Variants in HLCS observed in about 807,000 individuals in gnomAD.
The protein encoded by HLCS is biotin--protein ligase.
HLCS carries 53 observed loss-of-function variants against 75.0 expected under a neutral mutation model. That is an observed-to-expected ratio of 0.71 (90% CI 0.57 to 0.89). HLCS has a LOEUF of 0.89. Ranked by LOEUF, HLCS falls within the 40% of genes least tolerant of loss-of-function variation. The pLI is 0.00. For missense variants in HLCS, 966 were observed against 1,074.0 expected (o/e 0.90, Z 1.41); for synonymous variants, 431 against 428.6 (o/e 1.01, Z -0.07).
chr21:36,756,898 G>T (rs112877157), intron 9 of HLCS, 143 bp from the exon 10 acceptor site: 13 of 1,522,162 alleles, frequency 8.5e-6, no homozygotes, highest in African/African-American at 6.9e-5. Context: ...CTAACCACTT[G>T]AAGAGTGACA....
At chr21:36,958,004 G>A (rs1194285864) in intron 2 of HLCS, among the ~76,000 whole-genome samples, 1 of 151,644 alleles carries the variant, frequency 6.6e-6, no homozygotes, top group Admixed American at 6.6e-5. Context: ...GAGGCAGGTG[G>A]ATCCCAAGGT....
At chr21:36,771,340 C>G (rs2060202610) in intron 6 of HLCS, among the ~76,000 whole-genome samples, 1 of 152,190 alleles carries the variant, frequency 6.6e-6, no homozygotes, top group African/African-American at 2.4e-5. Flanking sequence ...CTGATACTAA[C>G]AAGTGAGCAG....
At chr21:36,772,506 G>T (rs2060237965) in intron 6 of HLCS, among the ~76,000 whole-genome samples, 1 of 151,910 alleles carries the variant, frequency 6.6e-6, no homozygotes, top group South Asian at 2.1e-4. Context: ...AGGCATGGAG[G>T]TACATGCCTG....
chr21:36,952,285 A>G (rs2067702628), intron 2 of HLCS, among the ~76,000 whole-genome samples: 1 of 152,200 alleles, frequency 6.6e-6, no homozygotes, highest in Non-Finnish European at 1.5e-5. Flanking sequence ...GAAGACAGTG[A>G]GCTATGAGAT....
chr21:36,965,137 G>A (rs1446942496), intron 1 of HLCS, among the ~76,000 whole-genome samples: 1 of 152,062 alleles, frequency 6.6e-6, no homozygotes. Context: ...TTTTTTATTT[G>A]CTAGTGGCAC....
intron 6 of HLCS, among the ~76,000 whole-genome samples, chr21:36,826,042 T>A (rs2061999047): frequency 6.6e-6 from 1 of 152,010 alleles, no homozygotes; most frequent in South Asian, 2.1e-4. Flanking sequence ...TTTTTTTTAA[T>A]TAGAAACAAA....
intron 6 of HLCS, among the ~76,000 whole-genome samples, chr21:36,848,658 T>G (rs575611854): frequency 6.6e-6 from 1 of 152,254 alleles, no homozygotes; most frequent in South Asian, 2.1e-4. Context: ...TGTTTCATAG[T>G]GCTGCTTAAT....
intron 1 of HLCS, among the ~76,000 whole-genome samples, chr21:36,983,120 A>G (rs1234936143): frequency 1.3e-5 from 2 of 152,170 alleles, no homozygotes; most frequent in African/African-American, 4.8e-5. Context: ...TCCTGGGCAC[A>G]ACAGCATAAG....
intron 6 of HLCS, among the ~76,000 whole-genome samples, chr21:36,895,061 G>T (rs544218021): frequency 6.7e-6 from 1 of 149,928 alleles, no homozygotes; most frequent in African/African-American, 2.4e-5. Context: ...TCTTGGTGAC[G>T]CGCTGCCCTC....
intron 1 of HLCS, among the ~76,000 whole-genome samples, chr21:36,979,691 G>A (rs1056366156): frequency 2.0e-5 from 3 of 152,072 alleles, no homozygotes; most frequent in African/African-American, 4.8e-5. Flanking sequence ...AAAGCAGAAG[G>A]ATCACTTCAG....
At chr21:36,771,559 T>TA (rs2060206929) in intron 6 of HLCS, among the ~76,000 whole-genome samples, 1 of 151,966 alleles carries the variant, frequency 6.6e-6, no homozygotes, top group Admixed American at 6.6e-5. Flanking sequence ...GTTGAAGAAT[T>TA]AAAAAACCCA....
intron 6 of HLCS, among the ~76,000 whole-genome samples, chr21:36,791,693 C>T (rs1269182217): frequency 1.3e-5 from 2 of 151,910 alleles, no homozygotes; most frequent in African/African-American, 2.4e-5. Context: ...GACAGAATGC[C>T]GAGCACCCTC....
chr21:36,932,272 C>T (rs771633151), intron 4 of HLCS, among the ~76,000 whole-genome samples: 3 of 152,188 alleles, frequency 2.0e-5, no homozygotes, highest in Non-Finnish European at 4.4e-5. Flanking sequence ...CAGAAATACA[C>T]TATGGGAACT....
chr21:36,980,328 CT>C (rs2069082931), intron 1 of HLCS: 2 of 152,164 alleles, frequency 1.3e-5, no homozygotes, highest in African/African-American at 2.4e-5. Flanking sequence ...TACAGCTGAA[CT>C]GAACTCCTGC....
At chr21:36,986,325 T>C (rs1033929036) in intron 1 of HLCS, among the ~76,000 whole-genome samples, 1 of 152,190 alleles carries the variant, frequency 6.6e-6, no homozygotes, top group Non-Finnish European at 1.5e-5. Context: ...CAGTCTCAGG[T>C]ATTCTGTTAC....
At chr21:36,937,434 A>C in intron 3 of HLCS, 42 bp from the exon 4 acceptor site, 1 of 1,500,206 alleles carries the variant, frequency 6.7e-7, no homozygotes, top group Non-Finnish European at 9.3e-7. Context: ...ATTAATCAAC[A>C]CTTCTTGTAT....
chr21:36,886,971 A>G (rs2064494864), intron 6 of HLCS, among the ~76,000 whole-genome samples: 1 of 152,146 alleles, frequency 6.6e-6, no homozygotes. Context: ...TACTAAAAAT[A>G]CAAAAAAAAT....
At chr21:36,918,761 T>C (rs1401645991) in intron 5 of HLCS, among the ~76,000 whole-genome samples, 1 of 152,226 alleles carries the variant, frequency 6.6e-6, no homozygotes, top group Non-Finnish European at 1.5e-5. Context: ...CAGAATGGCC[T>C]TGTAATGGGG....
At chr21:36,966,233 G>A (rs2068568625) in intron 1 of HLCS, among the ~76,000 whole-genome samples, 1 of 152,152 alleles carries the variant, frequency 6.6e-6, no homozygotes, top group African/African-American at 2.4e-5. Context: ...CGGCTGGCCG[G>A]GAAGAGGCGA....
Sources: allele counts gnomAD v4.1 joint callset (sites outside exome capture counted in the v4.1 genomes callset), GRCh38; gene constraint gnomAD v4.1.1; transcripts MANE v1.5; gene names NCBI Gene and HGNC (gene_info 2026-07-23, HGNC 2026-07-21).